IL33: variants seen among roughly 807,000 people sequenced by gnomAD.
IL33 encodes the protein interleukin-33.
IL33 carries 37 observed loss-of-function variants against 27.3 expected under a neutral mutation model. The observed-to-expected ratio is 1.36, with a 90% confidence interval of 1.04 to 1.78. The LOEUF is 1.78. Among genes scored for constraint, IL33 ranks in the 40% most tolerant of loss-of-function variants. IL33 has a pLI of 0.00. For synonymous variants in IL33, 132 were observed against 102.9 expected (o/e 1.28, Z -1.71); for missense variants, 406 against 311.4 (o/e 1.30, Z -2.29).
intron 1 of IL33, among the ~76,000 whole-genome samples, chr9:6,220,566 AT>A (rs1818364723): frequency 6.6e-6 from 1 of 152,134 alleles, no homozygotes; most frequent in South Asian, 2.1e-4. Flanking sequence ...TTGGAGAATT[AT>A]TAGACCCAAA....
intron 4 of IL33, among the ~76,000 whole-genome samples, chr9:6,252,046 A>G (rs1414710530): frequency 3.5e-5 from 1 of 28,348 alleles, no homozygotes; most frequent in Non-Finnish European, 7.1e-5. Context: ...AAAAAAAACA[A>G]ACAAACAAAC....
chr9:6,243,285 A>T (rs894560171), intron 2 of IL33, among the ~76,000 whole-genome samples: 1 of 152,172 alleles, frequency 6.6e-6, no homozygotes, highest in Non-Finnish European at 1.5e-5. Context: ...TATAGCTCTG[A>T]GATTAAAGGG....
Position 6,251,155 on chromosome 9 carries a change from G to A in IL33, c.233G>A (p.Arg78Lys). The A allele has an allele frequency of 6.2e-7, 1 of 1,613,850 alleles. No individual in the cohort carries two copies. The highest frequency in any genetic ancestry group is 8.5e-7 in the Non-Finnish European group (1 of 1,179,828). The change falls in exon 4 of 8, where the codon AGA (arginine) becomes AAA (lysine). Residue 78 changes from arginine (R) to lysine (K), a missense_variant. Physicochemically the swap from Arg to Lys is conservative, Grantham distance 26. Coordinates refer to ENST00000682010, the MANE Select transcript of IL33 (RefSeq NM_033439.4). ...CGGTCTGCAGGTAGAAAGCACAAAAGACATCTGGTACTCGCTGCCTGTCAA... is the reference window on the plus strand; with the variant it reads ...CGGTCTGCAGGTAGAAAGCACAAAAAACATCTGGTACTCGCTGCCTGTCAA... ...PSLKTGRKHK[R>K]HLVLAACQQQ...
In IL33 at chr9:6,221,495, A is replaced by T. The variant is rs79199203; in HGVS notation, c.-12+5643A>T. 8.5e-3 allele frequency among the ~76,000 whole-genome samples: 1,289 copies of T among 152,338 alleles called. 12 individuals carry two copies. The highest frequency in any genetic ancestry group is 0.015 in the South Asian group (74 of 4,822). On this transcript the variant is annotated intron_variant, in intron 1 of 7. Transcript: ENST00000682010. Reference sequence around the variant, plus strand: ...TAAGGCCCATGAAAGCAGATTCAACATTTAGAAGCATTAAGGTCATTTGCA... The same window carrying T: ...TAAGGCCCATGAAAGCAGATTCAACTTTTAGAAGCATTAAGGTCATTTGCA...
chr9:6,217,357 T>C (rs144060718), intron 1 of IL33, among the ~76,000 whole-genome samples: 172 of 152,288 alleles, frequency 1.1e-3, no homozygotes, highest in African/African-American at 3.9e-3. Context: ...TTGGTGGTCT[T>C]TCATTATTTT....
chr9:6,227,458 A>G (rs1435013885), intron 1 of IL33, among the ~76,000 whole-genome samples: 2 of 152,208 alleles, frequency 1.3e-5, no homozygotes, highest in Non-Finnish European at 2.9e-5. Flanking sequence ...TAACTAACCC[A>G]TTATTATGCT....
rs1381024865 is a variant in IL33, at chr9:6,229,118, G to GCCC, written c.-11-12566_-11-12565insCCC. 2.6e-5 allele frequency among the ~76,000 whole-genome samples: 4 copies of GCCC among 152,198 alleles called. No homozygotes were observed. The South Asian group carries it at 8.3e-4, about 32-fold the overall frequency. ...GGAGAAGGAAATAAATGAGCTAAAT[G>GCCC]AGGAACCTGTACAGGAGCACAGGAA... On this transcript the variant is annotated intron_variant, in intron 1 of 7. Coordinates refer to ENST00000682010, the MANE Select transcript of IL33 (RefSeq NM_033439.4).
At chr9:6,223,342 G>A (rs1818490847) in intron 1 of IL33, among the ~76,000 whole-genome samples, 1 of 151,416 alleles carries the variant, frequency 6.6e-6, no homozygotes, top group South Asian at 2.1e-4. Context: ...AAATAGAATA[G>A]TAATAACAGT....
chr9:6,226,206 G>T (rs569660965), intron 1 of IL33, among the ~76,000 whole-genome samples: 1 of 151,660 alleles, frequency 6.6e-6, no homozygotes, highest in African/African-American at 2.4e-5. Context: ...AAGAGATGGG[G>T]CCTCGCTATG....
chr9:6,245,044 C>T (rs543248531), intron 2 of IL33, among the ~76,000 whole-genome samples: 1 of 152,294 alleles, frequency 6.6e-6, no homozygotes, highest in South Asian at 2.1e-4. Context: ...CAGGAAGCTA[C>T]TTCCCTACTT....
intron 1 of IL33, among the ~76,000 whole-genome samples, chr9:6,218,439 G>C (rs1818244357): frequency 6.6e-6 from 1 of 151,912 alleles, no homozygotes; most frequent in African/African-American, 2.4e-5. Context: ...TGTCACTCTT[G>C]GCCAGGGTTT....
At position 6,254,454 on chromosome 9, in the gene IL33, A is replaced by G. The variant is rs1416413714; in HGVS notation, c.521-8A>G. 1 of 1,549,380 alleles carries G rather than the reference A, an allele frequency of 6.5e-7. No individual in the cohort carries two copies. Among genetic ancestry groups the G allele is most frequent in the Admixed American group, 1.8e-5 (1 of 54,320 alleles). ...TAACTTTATCATTTATACTTTCTTA[A>G]TTGTAAGGTGACGGTGTTGATGGTA... On this transcript the variant is annotated splice_region_variant and splice_polypyrimidine_tract_variant and intron_variant, in intron 6 of 7. Transcript: ENST00000682010.
At chr9:6,253,727 G>C in intron 6 of IL33, 125 bp downstream of exon 6, 1 of 637,124 alleles carries the variant, frequency 1.6e-6, no homozygotes, top group Non-Finnish European at 2.7e-6. Context: ...TCCAACCCAA[G>C]CTCATGGTAA....
chr9:6,236,592 G>A (rs1350387285), intron 1 of IL33, among the ~76,000 whole-genome samples: 1 of 152,216 alleles, frequency 6.6e-6, no homozygotes, highest in Non-Finnish European at 1.5e-5. Flanking sequence ...ACTAGGCCGG[G>A]TGCAGTGGCT....
intron 1 of IL33, among the ~76,000 whole-genome samples, chr9:6,230,875 T>G (rs899506722): frequency 2.0e-5 from 3 of 152,182 alleles, no homozygotes; most frequent in Non-Finnish European, 2.9e-5. Flanking sequence ...CAGATAGCCC[T>G]AATATCAGAT....
intron 1 of IL33, among the ~76,000 whole-genome samples, chr9:6,237,678 TC>T (rs1819305209): frequency 6.6e-6 from 1 of 152,212 alleles, no homozygotes; most frequent in Non-Finnish European, 1.5e-5. Context: ...TGACTCTGAC[TC>T]TCCTAGAGAT....
intron 1 of IL33, among the ~76,000 whole-genome samples, chr9:6,226,896 G>T (rs921592037): frequency 6.6e-6 from 1 of 152,196 alleles, no homozygotes; most frequent in Admixed American, 6.5e-5. Flanking sequence ...CTTTTCTGTG[G>T]GAATGTTTGG....
intron 1 of IL33, among the ~76,000 whole-genome samples, chr9:6,239,802 A>G: frequency 6.6e-6 from 1 of 152,084 alleles, no homozygotes; most frequent in East Asian, 1.9e-4. Flanking sequence ...AACTAGCCTC[A>G]CTAGTTTTTT....
rs763910887 is a variant in IL33 at position 6,255,951 on chromosome 9, C to G, written c.613-17C>G. ...TTCCCATTCACATATGGATTGCTTT[C>G]TCTCTTGTTTCCTCAGCTCCATAAG... On this transcript the variant is annotated splice_polypyrimidine_tract_variant and intron_variant, in intron 7 of 7. Coordinates refer to ENST00000682010, the MANE Select transcript of IL33 (RefSeq NM_033439.4). The G allele has an allele frequency of 4.3e-6, 7 of 1,609,518 alleles. No individual in the cohort carries two copies. The highest frequency in any genetic ancestry group is 6.0e-6 in the Non-Finnish European group (7 of 1,176,142).
Sources: gnomAD v4.1 joint callset for allele counts (sites outside exome capture counted in the v4.1 genomes callset) on GRCh38, gnomAD v4.1.1 for gene constraint, MANE v1.5 for transcripts, NCBI Gene and HGNC (gene_info 2026-07-23, HGNC 2026-07-21) for gene names.